Variants in HPCAL1 observed in about 807,000 individuals in gnomAD.
HPCAL1 encodes the protein hippocalcin-like protein 1.
Under a neutral mutation model 17.1 loss-of-function variants are expected in HPCAL1, and 8 were observed. The observed-to-expected ratio is 0.47, with a 90% CI of 0.27 to 0.84. The LOEUF is 0.84. HPCAL1 is among the 40% of genes least tolerant of loss of function. HPCAL1 has a pLI of 0.13. For missense variants in HPCAL1, 165 were observed against 271.1 expected (o/e 0.61, Z 2.75); for synonymous variants, 112 against 111.4 (o/e 1.01, Z -0.03).
intron 2 of HPCAL1, among the ~76,000 whole-genome samples, chr2:10,405,800 A>C (rs992685669): frequency 1.4e-4 from 22 of 152,202 alleles, no homozygotes; most frequent in Non-Finnish European, 3.2e-4. Context: ...GAGGGGCCAC[A>C]TCTAGAGGGA....
rs1327641368 is a variant in HPCAL1, at chr2:10,330,305, T to G, written c.-111+27128T>G. 1.3e-5 allele frequency: 2 copies of G among 152,110 alleles called. No homozygotes were observed. The highest frequency in any genetic ancestry group is 4.8e-5 in the African/African-American group (2 of 41,446). The allele number at this position is 152,110 out of a possible 1,614,324, so 9.4% of individuals were successfully genotyped here. A position where few individuals can be genotyped will look rare whatever the true frequency, so the allele number is the denominator to read the frequency against. On this transcript the variant is annotated intron_variant, in intron 1 of 4. Coordinates refer to ENST00000307845, the MANE Select transcript of HPCAL1 (RefSeq NM_002149.4). This position sits in a 1 kb window ranked among gnomAD's most constrained non-coding sequence, Gnocchi z 4.2. ...TGGTGGATGTTTGCAATTCCCAGAA[T>G]GCTTATTCTTATTTAGTCCTCATAG... is the stretch of plus-strand genomic sequence containing the variant.
chr2:10,356,836 C>T (rs1197315304), intron 1 of HPCAL1, among the ~76,000 whole-genome samples: 1 of 152,218 alleles, frequency 6.6e-6, no homozygotes, highest in Non-Finnish European at 1.5e-5. Flanking sequence ...CATTCTCCCA[C>T]AGACTCCTCC....
chr2:10,383,820 T>C (rs1668126720), intron 1 of HPCAL1, among the ~76,000 whole-genome samples: 1 of 152,128 alleles, frequency 6.6e-6, no homozygotes, highest in South Asian at 2.1e-4. Flanking sequence ...GGGGGGGCTG[T>C]CCTGTGCATT....
At chr2:10,345,694 C>T (rs749818720) in intron 1 of HPCAL1, among the ~76,000 whole-genome samples, 15 of 152,014 alleles carry the variant, frequency 9.9e-5, no homozygotes, top group African/African-American at 3.1e-4. Flanking sequence ...TGGGCTTAAG[C>T]GATCCTCTCA....
intron 1 of HPCAL1, among the ~76,000 whole-genome samples, chr2:10,327,189 G>A (rs1414079995): frequency 1.3e-5 from 2 of 152,140 alleles, no homozygotes; most frequent in African/African-American, 2.4e-5. Flanking sequence ...CCAACTCCTG[G>A]GATTTGCAGC....
chr2:10,317,998 G>C (rs1572625997), intron 1 of HPCAL1, among the ~76,000 whole-genome samples: 1 of 152,184 alleles, frequency 6.6e-6, no homozygotes, highest in African/African-American at 2.4e-5. Context: ...GTTTTTGTTT[G>C]ATGTGTTATT....
rs1202513755 is a variant in HPCAL1 at position 10,359,866 on chromosome 2, T to G, written c.-110-36969T>G. 6.6e-6 allele frequency among the ~76,000 whole-genome samples: 1 copy of G among 151,670 alleles called. No homozygotes were observed. The highest frequency in any genetic ancestry group is 1.9e-4 in the East Asian group (1 of 5,190). Reference sequence around the variant, plus strand: ...CTGCATCTCCCCTCAGCTTCCACACTCTGAACCTGCCTCCTGCCTCCTTCC... The same window carrying G: ...CTGCATCTCCCCTCAGCTTCCACACGCTGAACCTGCCTCCTGCCTCCTTCC... On this transcript the variant is annotated intron_variant, in intron 1 of 4. Transcript: ENST00000307845. This position sits in a 1 kb window ranked among gnomAD's most constrained non-coding sequence, Gnocchi z 4.1.
rs1003554694 is a variant in HPCAL1 at position 10,343,622 on chromosome 2, T to G, written c.-111+40445T>G. On this transcript the variant is annotated intron_variant, in intron 1 of 4. Coordinates refer to ENST00000307845, the MANE Select transcript of HPCAL1 (RefSeq NM_002149.4). The surrounding 1 kb of genome is among the most constrained non-coding windows in gnomAD (Gnocchi z 4.8). ...ACTATATGGGTTTGCAAGCTGCCAC[T>G]GCTTTGACTGCAGACACTGGATTGA... Among the ~76,000 whole-genome samples, 4 of 152,256 alleles carry G rather than the reference T, an allele frequency of 2.6e-5. No homozygotes were observed. The highest frequency in any genetic ancestry group is 4.8e-5 in the African/African-American group (2 of 41,478).
intron 1 of HPCAL1, among the ~76,000 whole-genome samples, chr2:10,317,372 C>G (rs996856737): frequency 2.4e-4 from 36 of 152,158 alleles, no homozygotes; most frequent in East Asian, 3.9e-4. Flanking sequence ...GCTAGAGATG[C>G]CTGCTTTGGT....
chr2:10,397,813 C>T (rs186583922), intron 2 of HPCAL1, among the ~76,000 whole-genome samples: 1 of 152,326 alleles, frequency 6.6e-6, no homozygotes, highest in East Asian at 1.9e-4. Flanking sequence ...GCTGCCCTTC[C>T]AGCGTTGAGG....
At chr2:10,424,117 C>T (rs1321901272) in intron 4 of HPCAL1, 1 of 209,650 alleles carries the variant, frequency 4.8e-6, no homozygotes, top group African/African-American at 2.3e-5. Flanking sequence ...GAAATACTCC[C>T]TGGGTTGTGC....
At chr2:10,317,797 C>T (rs918491995) in intron 1 of HPCAL1, among the ~76,000 whole-genome samples, 1 of 152,234 alleles carries the variant, frequency 6.6e-6, no homozygotes, top group Non-Finnish European at 1.5e-5. Context: ...ATTGGAGGCC[C>T]TGCCCTGGCG....
intron 2 of HPCAL1, among the ~76,000 whole-genome samples, chr2:10,416,574 G>A (rs990266082): frequency 1.3e-5 from 2 of 152,118 alleles, no homozygotes; most frequent in African/African-American, 2.4e-5. Context: ...CCAGGAGTTC[G>A]AGCAACCTGG....
At chr2:10,345,823 C>T (rs2125451735) in intron 1 of HPCAL1, among the ~76,000 whole-genome samples, 1 of 152,310 alleles carries the variant, frequency 6.6e-6, no homozygotes, top group Non-Finnish European at 1.5e-5. Context: ...TGCATGTTCA[C>T]TGTAAAATAG....
chr2:10,399,175 C>A (rs866890586), intron 2 of HPCAL1, among the ~76,000 whole-genome samples: 21 of 149,424 alleles, frequency 1.4e-4, no homozygotes, highest in Non-Finnish European at 2.4e-4. Flanking sequence ...ACCCCTGGGG[C>A]ATTTCAGTGC....
chr2:10,406,977 T>C (rs1488402992), intron 2 of HPCAL1, among the ~76,000 whole-genome samples: 1 of 152,046 alleles, frequency 6.6e-6, no homozygotes, highest in Non-Finnish European at 1.5e-5. Flanking sequence ...GGGAGGCAGC[T>C]CAAAGAGCTC....
At chr2:10,324,827 T>G (rs1418935571) in intron 1 of HPCAL1, among the ~76,000 whole-genome samples, 3 of 114,328 alleles carry the variant, frequency 2.6e-5, no homozygotes, top group Non-Finnish European at 5.8e-5. Flanking sequence ...TTTTTTTTTT[T>G]TTTTTTTTTT....
intron 1 of HPCAL1, among the ~76,000 whole-genome samples, chr2:10,326,101 T>C (rs6743332): frequency 0.66 from 100,961 of 152,142 alleles, 33,721 homozygotes; most frequent in East Asian, 0.81. Flanking sequence ...CCTCTCTGGG[T>C]TCGACACCAT....
At chr2:10,327,625 T>G (rs1664097001) in intron 1 of HPCAL1, among the ~76,000 whole-genome samples, 1 of 152,234 alleles carries the variant, frequency 6.6e-6, no homozygotes, top group African/African-American at 2.4e-5. Context: ...CTTTATTTTG[T>G]TAACATGGGG....
Sources: allele counts gnomAD v4.1 joint callset (sites outside exome capture counted in the v4.1 genomes callset), GRCh38; gene constraint gnomAD v4.1.1; non-coding constraint Gnocchi (gnomAD v3.1); transcripts MANE v1.5; gene names NCBI Gene and HGNC (gene_info 2026-07-23, HGNC 2026-07-21).